KIF6: variants seen among roughly 807,000 people sequenced by gnomAD.
KIF6 encodes the protein kinesin-like protein KIF6.
In KIF6, 106 loss-of-function variants were observed where a neutral mutation model predicts 112.7. The observed-to-expected ratio is 0.94, with a 90% CI of 0.80 to 1.11. The LOEUF (loss-of-function observed/expected upper bound fraction) is 1.11, where lower values mean the gene tolerates loss of function less well. Ranked by LOEUF, KIF6 falls within the 50% of genes least tolerant of loss-of-function variation. The pLI, the probability that KIF6 is intolerant of heterozygous loss-of-function variation, is 0.00. For missense variants in KIF6, 929 were observed against 964.0 expected (o/e 0.96, Z 0.48); for synonymous variants, 339 against 339.9 (o/e 1.00, Z 0.03).
rs778864979 is a variant in KIF6, at chr6:39,334,146, G to GT, written c.*2385dup. On this transcript the variant is annotated 3_prime_UTR_variant, in exon 23 of 23. Coordinates refer to ENST00000287152, the MANE Select transcript of KIF6 (RefSeq NM_145027.6). ...CCAGTGGCCCCAGATCCCATGTTGT[G>GT]TGTTTTTCTGTCTTCATTTCCTTTC... 6.6e-6 allele frequency: 1 copy of GT among 152,276 alleles called. No homozygotes were observed. The highest frequency in any genetic ancestry group is 2.4e-5 in the African/African-American group (1 of 41,474). The allele number at this position is 152,276 out of a possible 1,614,324, so 9.4% of individuals were successfully genotyped here.
rs1762740164 is a variant in KIF6 at position 39,331,631 on chromosome 6, C to G, written c.*4901G>C. 6.6e-6 allele frequency: 1 copy of G among 152,194 alleles called. No homozygotes were observed. The highest frequency in any genetic ancestry group is 2.1e-4 in the South Asian group (1 of 4,824). 9.4% of individuals were successfully genotyped at this position (152,194 alleles called of 1,614,324 possible). ...AACTCCTGACCTCGTGATCCGCCAG[C>G]CTCAGTCTCCCAAAGTGTTGGGATT... On this transcript the variant is annotated 3_prime_UTR_variant, in exon 23 of 23. Transcript: ENST00000287152.
At chr6:39,394,677 A>G (rs1387030027) in intron 15 of KIF6, among the ~76,000 whole-genome samples, 1 of 152,248 alleles carries the variant, frequency 6.6e-6, no homozygotes, top group Non-Finnish European at 1.5e-5. Flanking sequence ...AATGGAACAT[A>G]CAGTGGGAGG....
chr6:39,371,065 G>C (rs1765940861), intron 16 of KIF6, among the ~76,000 whole-genome samples: 1 of 152,166 alleles, frequency 6.6e-6, no homozygotes, highest in South Asian at 2.1e-4. Flanking sequence ...GATTTTCAGT[G>C]TTTGCCAATT....
At chr6:39,496,916 T>C (rs910972567) in intron 13 of KIF6, among the ~76,000 whole-genome samples, 2 of 152,252 alleles carry the variant, frequency 1.3e-5, no homozygotes, top group Non-Finnish European at 2.9e-5. Flanking sequence ...GTCTAACTCT[T>C]GTACAGATTT....
At chr6:39,591,327 C>T (rs4714265) in intron 7 of KIF6, among the ~76,000 whole-genome samples, 81,293 of 152,048 alleles carry the variant, frequency 0.53, 23,953 homozygotes, top group African/African-American at 0.79. Context: ...AATATAGTCT[C>T]AAAAATGGAG....
At chr6:39,393,038 G>A (rs1441163314) in intron 15 of KIF6, among the ~76,000 whole-genome samples, 1 of 152,164 alleles carries the variant, frequency 6.6e-6, no homozygotes, top group Non-Finnish European at 1.5e-5. Context: ...CAGCTTCCAG[G>A]GGACCTGCAA....
chr6:39,367,113 G>C (rs1173123804), intron 16 of KIF6, among the ~76,000 whole-genome samples: 1 of 152,146 alleles, frequency 6.6e-6, no homozygotes, highest in Non-Finnish European at 1.5e-5. Flanking sequence ...GGTGATGTCT[G>C]CTTGGTGAAA....
chr6:39,481,512 C>T (rs954876987), intron 13 of KIF6, among the ~76,000 whole-genome samples: 4 of 152,108 alleles, frequency 2.6e-5, no homozygotes, highest in African/African-American at 9.7e-5. Flanking sequence ...GCCTTTTAAA[C>T]GAATCTCTCC....
intron 13 of KIF6, among the ~76,000 whole-genome samples, chr6:39,506,403 T>C (rs1246426422): frequency 6.6e-6 from 1 of 152,086 alleles, no homozygotes. Flanking sequence ...AAATTGCTAA[T>C]ACATGCAGGG....
chr6:39,354,711 C>A (rs1764508715), intron 19 of KIF6, among the ~76,000 whole-genome samples: 2 of 152,160 alleles, frequency 1.3e-5, no homozygotes. Context: ...AGCAAGCAGC[C>A]TAGGACAGGA....
chr6:39,539,903 A>G, intron 13 of KIF6, 100 bp downstream of exon 13: 1 of 839,824 alleles, frequency 1.2e-6, no homozygotes, highest in Non-Finnish European at 1.9e-6. Flanking sequence ...TAATTCTAAC[A>G]AAGAAATTGA....
chr6:39,597,047 T>G (rs1782313761), intron 6 of KIF6, among the ~76,000 whole-genome samples: 1 of 152,072 alleles, frequency 6.6e-6, no homozygotes, highest in Admixed American at 6.6e-5. Flanking sequence ...TAAGATAATA[T>G]TAAAGGACAA....
At chr6:39,702,046 T>C (rs1788904967) in intron 3 of KIF6, among the ~76,000 whole-genome samples, 1 of 152,228 alleles carries the variant, frequency 6.6e-6, no homozygotes, top group Non-Finnish European at 1.5e-5. Flanking sequence ...ATTGTAAGAA[T>C]ATGAGGGCAT....
chr6:39,559,271 G>C (rs994398061), intron 10 of KIF6, among the ~76,000 whole-genome samples: 2 of 152,140 alleles, frequency 1.3e-5, no homozygotes, highest in African/African-American at 4.8e-5. Context: ...TCAGGACTAA[G>C]TTAGCAGATA....
intron 10 of KIF6, among the ~76,000 whole-genome samples, chr6:39,556,245 T>G (rs191386025): frequency 6.6e-5 from 10 of 152,316 alleles, no homozygotes; most frequent in African/African-American, 1.9e-4. Flanking sequence ...CTCATCTACA[T>G]AAGTCTATAA....
Position 39,501,313 on chromosome 6 carries a change from C to A in KIF6, c.1645+38690G>T, listed in dbSNP as rs187124208. Among the ~76,000 whole-genome samples the A allele has an allele frequency of 1.4e-4, 21 of 152,232 alleles. No individual in the cohort carries two copies. In the East Asian group the frequency reaches 4.1e-3, roughly 29 times the overall value. ...AGAAAATAACAACAAATCACAAAAACCCTATCCAAAGGTCAGCAACCTCAA... is the reference window on the plus strand; with the variant it reads ...AGAAAATAACAACAAATCACAAAAAACCTATCCAAAGGTCAGCAACCTCAA... On this transcript the variant is annotated intron_variant, in intron 13 of 22. Transcript: ENST00000287152.
chr6:39,628,758 C>G (rs766315848), intron 5 of KIF6, among the ~76,000 whole-genome samples: 1 of 152,002 alleles, frequency 6.6e-6, no homozygotes, highest in Admixed American at 6.6e-5. Context: ...TGTATGATAT[C>G]ATGTGCCCAC....
At position 39,594,210 on chromosome 6, in the gene KIF6, A is replaced by T. The variant is rs1347968566; in HGVS notation, c.846+1844T>A. ...GCAGTTTGCAAAGGCTTATAGAATT[A>T]AAAAAAAAAAAAGAATTAAGGGCAG... On this transcript the variant is annotated intron_variant, in intron 7 of 22. Transcript: ENST00000287152. 3.0e-5 allele frequency among the ~76,000 whole-genome samples: 3 copies of T among 101,266 alleles called. No individual in the cohort carries two copies. In the East Asian group the frequency reaches 7.2e-4, roughly 24 times the overall value. 66.4% of individuals were successfully genotyped at this position (101,266 alleles called of 152,430 possible).
At chr6:39,379,137 A>G (rs1465410398) in intron 16 of KIF6, among the ~76,000 whole-genome samples, 1 of 152,204 alleles carries the variant, frequency 6.6e-6, no homozygotes, top group East Asian at 1.9e-4. Context: ...CTGCAGATAA[A>G]TTAGTTAGTA....
Sources: allele counts gnomAD v4.1 joint callset (sites outside exome capture counted in the v4.1 genomes callset), GRCh38; gene constraint gnomAD v4.1.1; transcripts MANE v1.5; gene names NCBI Gene and HGNC (gene_info 2026-07-23, HGNC 2026-07-21).